ENTREP2: variants seen among roughly 807,000 people sequenced by gnomAD.
The protein encoded by ENTREP2 is endosomal transmembrane epsin interactor 2.
At chr15:29,192,503 C>T in the ENTREP2 span, among the ~76,000 whole-genome samples, 1 of 152,134 alleles carries the variant, frequency 6.6e-6, no homozygotes, top group Non-Finnish European at 1.5e-5. Context: ...CATCAGACAG[C>T]TGAGGTCACA....
chr15:29,507,885 C>G, the ENTREP2 span, among the ~76,000 whole-genome samples: 1 of 152,018 alleles, frequency 6.6e-6, no homozygotes, highest in Admixed American at 6.6e-5. Context: ...TAGCAGAAGA[C>G]AAGAAATAAC....
At chr15:29,319,731 G>C in the ENTREP2 span, among the ~76,000 whole-genome samples, 3 of 152,214 alleles carry the variant, frequency 2.0e-5, no homozygotes, top group African/African-American at 7.2e-5. Flanking sequence ...AATCTGAAGA[G>C]ATGGGAATGC....
At chr15:29,647,569 G>A in the ENTREP2 span, among the ~76,000 whole-genome samples, 1 of 152,104 alleles carries the variant, frequency 6.6e-6, no homozygotes, top group Non-Finnish European at 1.5e-5. Flanking sequence ...TGGCATATCT[G>A]TAAATATAGT....
At chr15:29,332,916 G>A in the ENTREP2 span, among the ~76,000 whole-genome samples, 2 of 143,350 alleles carry the variant, frequency 1.4e-5, no homozygotes, top group African/African-American at 2.6e-5. Flanking sequence ...CCGAGATGGC[G>A]CCATTGCACT....
At chr15:29,381,889 C>T in the ENTREP2 span, 1 of 1,476,478 alleles carries the variant, frequency 6.8e-7, no homozygotes, top group South Asian at 1.2e-5. Flanking sequence ...CATGGGCAAT[C>T]AAAACACTGT....
the ENTREP2 span, among the ~76,000 whole-genome samples, chr15:29,644,274 G>C: frequency 6.6e-6 from 1 of 152,128 alleles, no homozygotes; most frequent in Non-Finnish European, 1.5e-5. Flanking sequence ...GGTTGCCAAG[G>C]GCTGATGGGA....
the ENTREP2 span, among the ~76,000 whole-genome samples, chr15:29,157,696 A>T: frequency 2.5e-3 from 373 of 151,840 alleles, 1 homozygote; most frequent in Admixed American, 4.0e-3. Flanking sequence ...ATATCTCAGG[A>T]GAACAATTCA....
chr15:29,195,300 A>G, the ENTREP2 span: 2 of 985,118 alleles, frequency 2.0e-6, no homozygotes, highest in South Asian at 4.7e-5. Context: ...CTCTCTGTAC[A>G]TCTTTGCTTG....
At chr15:29,159,201 C>A in the ENTREP2 span, among the ~76,000 whole-genome samples, 1 of 151,878 alleles carries the variant, frequency 6.6e-6, no homozygotes, top group Non-Finnish European at 1.5e-5. Flanking sequence ...GGTTTGTGGT[C>A]TCGCTGGCCT....
chr15:29,123,217 TC>T, the ENTREP2 span: 35 of 1,052,102 alleles, frequency 3.3e-5, no homozygotes, highest in South Asian at 5.6e-5. Flanking sequence ...ATCCTGGGTG[TC>T]CCCCCCACAT....
At chr15:29,370,027 T>TA in the ENTREP2 span, among the ~76,000 whole-genome samples, 12,762 of 152,208 alleles carry the variant, frequency 0.084, 734 homozygotes, top group African/African-American at 0.15. Context: ...AACCATGAGC[T>TA]AAATAAACCT....
the ENTREP2 span, among the ~76,000 whole-genome samples, chr15:29,485,612 G>T: frequency 6.6e-5 from 10 of 152,200 alleles, no homozygotes; most frequent in African/African-American, 2.4e-4. Context: ...CTGGGGACAG[G>T]GTTTAAGAAA....
the ENTREP2 span, among the ~76,000 whole-genome samples, chr15:29,224,355 G>A: frequency 2.0e-5 from 3 of 152,128 alleles, no homozygotes; most frequent in Non-Finnish European, 2.9e-5. Context: ...TGCAAACATT[G>A]AAAGAACAAA....
chr15:29,128,682 G>A, the ENTREP2 span: 2 of 858,746 alleles, frequency 2.3e-6, no homozygotes, highest in African/African-American at 1.7e-5. Flanking sequence ...ATGGAGGGAG[G>A]AGGAGGAAAA....
At chr15:29,349,836 T>G in the ENTREP2 span, among the ~76,000 whole-genome samples, 1 of 152,200 alleles carries the variant, frequency 6.6e-6, no homozygotes, top group South Asian at 2.1e-4. Flanking sequence ...AGGCAGAGGT[T>G]GCAGTGAGCT....
At chr15:29,434,886 A>C in the ENTREP2 span, among the ~76,000 whole-genome samples, 1 of 152,206 alleles carries the variant, frequency 6.6e-6, no homozygotes, top group Non-Finnish European at 1.5e-5. Flanking sequence ...AAAGCATGGC[A>C]GACCATGGCC....
At chr15:29,502,040 A>G in the ENTREP2 span, among the ~76,000 whole-genome samples, 1 of 152,008 alleles carries the variant, frequency 6.6e-6, no homozygotes, top group Non-Finnish European at 1.5e-5. Context: ...AAATGAAAAT[A>G]TATCTAATGT....
chr15:29,175,692 C>T, the ENTREP2 span, among the ~76,000 whole-genome samples: 1 of 152,232 alleles, frequency 6.6e-6, no homozygotes, highest in Non-Finnish European at 1.5e-5. Context: ...GCAACCTCCA[C>T]CTCCCAGGTT....
chr15:29,223,491 G>A, the ENTREP2 span, among the ~76,000 whole-genome samples: 32 of 152,134 alleles, frequency 2.1e-4, no homozygotes, highest in African/African-American at 7.2e-4. Context: ...ATGCTAGCGG[G>A]GAGTCCAGTG....
Sources: allele counts gnomAD v4.1 joint callset (sites outside exome capture counted in the v4.1 genomes callset), GRCh38; gene constraint gnomAD v4.1.1; transcripts MANE v1.5; gene names NCBI Gene and HGNC (gene_info 2026-07-23, HGNC 2026-07-21).